The following NELL1 variants were observed in gnomAD, a reference collection of about 807,000 sequenced individuals.
NELL1 encodes neural EGFL like 1, also known as protein kinase C-binding protein NELL1.
A neutral mutation model predicts 107.4 loss-of-function variants in NELL1; 76 were observed. The ratio of observed to expected loss-of-function variants is 0.71; its 90% CI spans 0.59 to 0.86. NELL1 has a LOEUF of 0.86. Among genes scored for constraint, NELL1 ranks in the 40% least tolerant of loss-of-function variants. The pLI, the probability that NELL1 is intolerant of heterozygous loss-of-function variation, is 0.00. For missense variants in NELL1, 1,024 were observed against 1,005.5 expected, an observed-to-expected ratio of 1.02 and a Z score of -0.25; for synonymous variants, 353 against 341.2, an observed-to-expected ratio of 1.03 and a Z score of -0.38.
chr11:20,802,411 T>G (rs1168103667), intron 3 of NELL1, among the ~76,000 whole-genome samples: 1 of 151,936 alleles, frequency 6.6e-6, no homozygotes, highest in Non-Finnish European at 1.5e-5. Context: ...AAATGCTGTT[T>G]TTTTTTTTGT....
intron 15 of NELL1, among the ~76,000 whole-genome samples, chr11:21,374,905 G>C (rs1487245147): frequency 1.3e-5 from 2 of 151,032 alleles, no homozygotes; most frequent in Non-Finnish European, 2.9e-5. Context: ...GTGTGTGTGT[G>C]TGTGTGTGTG....
chr11:21,495,547 C>T (rs2133923181), intron 15 of NELL1, among the ~76,000 whole-genome samples: 1 of 152,076 alleles, frequency 6.6e-6, no homozygotes, highest in East Asian at 1.9e-4. Flanking sequence ...ATGGATCATA[C>T]CGTAATTCTA....
chr11:21,309,278 A>ATG (rs1158935521), intron 14 of NELL1, among the ~76,000 whole-genome samples: 17 of 16,246 alleles, frequency 1.0e-3, no homozygotes, highest in East Asian at 2.9e-3. Context: ...ATATATATAT[A>ATG]TGTATATATA....
In NELL1 at chr11:21,027,191, T is replaced by C. The variant is rs532643562; in HGVS notation, c.1300+66631T>C. On this transcript the variant is annotated intron_variant, in intron 12 of 19. Coordinates refer to ENST00000357134, the MANE Select transcript of NELL1 (RefSeq NM_006157.5). The stretch of plus-strand genomic sequence containing the variant: ...GTTCTAGTTCTGGCAAGGCAATAAC[T>C]CTGCCATGAGACAGAATGCCAGTCT... Among the ~76,000 whole-genome samples, 6 of 152,288 alleles carry C rather than the reference T, an allele frequency of 3.9e-5. No individual in the cohort carries two copies. The South Asian group carries it at 1.2e-3, about 32-fold the overall frequency.
chr11:20,787,917 A>C (rs1286234068), intron 3 of NELL1, among the ~76,000 whole-genome samples: 1 of 152,040 alleles, frequency 6.6e-6, no homozygotes, highest in Non-Finnish European at 1.5e-5. Flanking sequence ...GTCTCTGTAG[A>C]TTTGCCTATT....
At chr11:21,263,853 T>G (rs1026076150) in intron 14 of NELL1, among the ~76,000 whole-genome samples, 6 of 151,882 alleles carry the variant, frequency 4.0e-5, no homozygotes, top group African/African-American at 1.2e-4. Context: ...TTTCAAAATT[T>G]TGTTGAGTTA....
chr11:21,131,221 T>C (rs1258374974), intron 13 of NELL1, among the ~76,000 whole-genome samples: 1 of 152,186 alleles, frequency 6.6e-6, no homozygotes, highest in Non-Finnish European at 1.5e-5. Context: ...ATGATTTAAT[T>C]TATATTATCT....
chr11:20,947,886 G>A (rs550415746), intron 11 of NELL1, among the ~76,000 whole-genome samples: 1 of 152,198 alleles, frequency 6.6e-6, no homozygotes, highest in Admixed American at 6.5e-5. Context: ...TTACTCATAG[G>A]TTAGATTGTT....
chr11:21,290,127 T>A (rs1173321321), intron 14 of NELL1, among the ~76,000 whole-genome samples: 2 of 152,120 alleles, frequency 1.3e-5, no homozygotes, highest in African/African-American at 4.8e-5. Context: ...CCCAGCACTT[T>A]GGGAGGCCGA....
At chr11:21,442,906 A>G (rs1027457210) in intron 15 of NELL1, among the ~76,000 whole-genome samples, 7 of 135,392 alleles carry the variant, frequency 5.2e-5, no homozygotes, top group African/African-American at 8.3e-5. Context: ...AATTAGCTTT[A>G]CTATTCCTTG....
chr11:20,899,553 G>A (rs1849826807), intron 5 of NELL1, among the ~76,000 whole-genome samples: 1 of 151,792 alleles, frequency 6.6e-6, no homozygotes, highest in Non-Finnish European at 1.5e-5. Context: ...ATCCAAATAG[G>A]GAAGTTAGAA....
chr11:21,556,549 G>A (rs561860517), intron 16 of NELL1, among the ~76,000 whole-genome samples: 4 of 151,996 alleles, frequency 2.6e-5, no homozygotes, highest in South Asian at 4.2e-4. Context: ...TTTGATTGCT[G>A]CTGTTATAAA....
At position 21,550,624 on chromosome 11, in the gene NELL1, T is replaced by C. The variant is rs1185310543; in HGVS notation, c.1787-9565T>C. On this transcript the variant is annotated intron_variant, in intron 16 of 19. Transcript: ENST00000357134. ...TCCTTTCCCCATTGCTTGTTTTTCT[T>C]AGGTTTGTCAAAGATCAGATAGTTG... Among the ~76,000 whole-genome samples the C allele has an allele frequency of 5.3e-5, 8 of 151,954 alleles. No homozygotes were observed. The East Asian group carries it at 1.2e-3, about 22-fold the overall frequency.
chr11:21,484,322 A>G (rs937014826), intron 15 of NELL1, among the ~76,000 whole-genome samples: 1 of 151,672 alleles, frequency 6.6e-6, no homozygotes, highest in African/African-American at 2.4e-5. Context: ...CATTTTGGTG[A>G]CCGTTCTTAT....
At chr11:20,856,938 G>A (rs1418279756) in intron 4 of NELL1, among the ~76,000 whole-genome samples, 4 of 152,232 alleles carry the variant, frequency 2.6e-5, no homozygotes, top group Non-Finnish European at 5.9e-5. Context: ...GTACATGGAT[G>A]TGCTTTGGTC....
chr11:21,345,771 T>G (rs1420199526), intron 14 of NELL1, among the ~76,000 whole-genome samples: 2 of 152,188 alleles, frequency 1.3e-5, no homozygotes, highest in East Asian at 3.9e-4. Flanking sequence ...TCCAGAGCAG[T>G]TTCTTCAATA....
intron 12 of NELL1, among the ~76,000 whole-genome samples, chr11:20,971,078 T>C (rs1312465231): frequency 6.6e-6 from 1 of 152,120 alleles, no homozygotes; most frequent in Non-Finnish European, 1.5e-5. Flanking sequence ...CTTGATCATG[T>C]CTTCCCTCTG....
intron 13 of NELL1, among the ~76,000 whole-genome samples, chr11:21,121,112 A>G (rs966862636): frequency 3.9e-5 from 6 of 152,190 alleles, no homozygotes; most frequent in African/African-American, 1.4e-4. Flanking sequence ...CTTGTTTAAA[A>G]GTAATTCTAA....
chr11:20,941,371 A>C (rs1850851444), intron 10 of NELL1, among the ~76,000 whole-genome samples: 1 of 152,182 alleles, frequency 6.6e-6, no homozygotes, highest in African/African-American at 2.4e-5. Flanking sequence ...ATTGTGGTTG[A>C]AAGGTCAAAA....
Sources: allele counts gnomAD v4.1 joint callset (sites outside exome capture counted in the v4.1 genomes callset), GRCh38; gene constraint gnomAD v4.1.1; transcripts MANE v1.5; gene names NCBI Gene and HGNC (gene_info 2026-07-23, HGNC 2026-07-21).